DPP10: variants seen among roughly 807,000 people sequenced by gnomAD.
DPP10 encodes inactive dipeptidyl peptidase 10.
Under a neutral mutation model 120.9 loss-of-function variants are expected in DPP10, and 33 were observed. The observed-to-expected ratio is 0.27, with a 90% CI of 0.21 to 0.37. The LOEUF (loss-of-function observed/expected upper bound fraction) is 0.37, where lower values mean the gene tolerates loss of function less well. Ranked by LOEUF, DPP10 falls within the 10% of genes least tolerant of loss-of-function variation. DPP10 has a pLI of 1.00. For missense variants in DPP10, 816 were observed against 942.8 expected (o/e 0.87, Z 1.76); for synonymous variants, 337 against 326.1 (o/e 1.03, Z -0.36).
intron 1 of DPP10, among the ~76,000 whole-genome samples, chr2:114,951,417 T>A (rs1324947432): frequency 6.6e-6 from 1 of 152,216 alleles, no homozygotes; most frequent in Non-Finnish European, 1.5e-5. Context: ...GTTTCCTCTA[T>A]GCTTGGTAAA....
rs200966063 is a variant in DPP10 at position 114,924,532 on chromosome 2, A to T, written c.61-384707A>T. Among the ~76,000 whole-genome samples, 30 of 152,168 alleles carry T rather than the reference A, an allele frequency of 2.0e-4. No homozygotes were observed. The East Asian group carries it at 5.6e-3, about 28-fold the overall frequency. On this transcript the variant is annotated intron_variant, in intron 1 of 25. Transcript: ENST00000410059. Reference sequence around the variant, plus strand: ...CAGAGTGAGAATCTGTCTCAAAAAAAAAAAAGAAAGAGGAAAAAGAAGGAA... The same window carrying T: ...CAGAGTGAGAATCTGTCTCAAAAAATAAAAAGAAAGAGGAAAAAGAAGGAA...
At chr2:114,493,002 A>G (rs1682140328) in intron 1 of DPP10, among the ~76,000 whole-genome samples, 1 of 152,176 alleles carries the variant, frequency 6.6e-6, no homozygotes, top group African/African-American at 2.4e-5. Flanking sequence ...ACTATGAGAA[A>G]TAGTAGAAAG....
chr2:115,163,915 C>T (rs1267653038), intron 1 of DPP10, among the ~76,000 whole-genome samples: 1 of 152,182 alleles, frequency 6.6e-6, no homozygotes, highest in Non-Finnish European at 1.5e-5. Flanking sequence ...AACAAATCCC[C>T]TTGTCAGGAT....
At chr2:114,770,811 C>T (rs1299125585) in intron 1 of DPP10, among the ~76,000 whole-genome samples, 1 of 152,158 alleles carries the variant, frequency 6.6e-6, no homozygotes, top group African/African-American at 2.4e-5. Flanking sequence ...CTGTAGGTCC[C>T]TTCTCTACAA....
At chr2:115,435,756 A>G (rs1205562476) in intron 3 of DPP10, among the ~76,000 whole-genome samples, 1 of 151,810 alleles carries the variant, frequency 6.6e-6, no homozygotes, top group African/African-American at 2.4e-5. Context: ...CTTACACAAA[A>G]AATCTTTGCC....
intron 21 of DPP10, among the ~76,000 whole-genome samples, chr2:115,817,085 A>G (rs1448836369): frequency 2.0e-5 from 3 of 151,568 alleles, no homozygotes; most frequent in Admixed American, 6.6e-5. Flanking sequence ...CGTCTCTACT[A>G]AAACTACTAA....
intron 1 of DPP10, among the ~76,000 whole-genome samples, chr2:114,616,304 A>C (rs1476208064): frequency 6.6e-6 from 1 of 152,122 alleles, no homozygotes; most frequent in Non-Finnish European, 1.5e-5. Flanking sequence ...TGCTGTACCC[A>C]GTGGAATACG....
At chr2:115,307,550 G>C (rs141423185) in intron 1 of DPP10, among the ~76,000 whole-genome samples, 1 of 152,146 alleles carries the variant, frequency 6.6e-6, no homozygotes, top group African/African-American at 2.4e-5. Flanking sequence ...GTTGGTTACT[G>C]CCCTTTTTTT....
chr2:115,555,249 G>T (rs1194242309), intron 5 of DPP10, among the ~76,000 whole-genome samples: 1 of 151,878 alleles, frequency 6.6e-6, no homozygotes, highest in East Asian at 1.9e-4. Flanking sequence ...GTGTAGAGGA[G>T]GAAAAACTTT....
At chr2:115,164,675 A>G (rs1401802404) in intron 1 of DPP10, among the ~76,000 whole-genome samples, 1 of 152,216 alleles carries the variant, frequency 6.6e-6, no homozygotes, top group Non-Finnish European at 1.5e-5. Flanking sequence ...CTTATAGCAC[A>G]GTGGAAGACC....
chr2:114,896,969 C>G (rs985235231), intron 1 of DPP10, among the ~76,000 whole-genome samples: 2 of 152,134 alleles, frequency 1.3e-5, no homozygotes, highest in Admixed American at 6.5e-5. Context: ...TTGTCAAAAG[C>G]CTTTTCTGCA....
intron 2 of DPP10, among the ~76,000 whole-genome samples, chr2:115,315,557 G>A (rs907224393): frequency 6.6e-6 from 1 of 152,080 alleles, no homozygotes; most frequent in East Asian, 1.9e-4. Context: ...AAATGTCAAA[G>A]CAATGATTAA....
intron 2 of DPP10, among the ~76,000 whole-genome samples, chr2:115,316,547 G>GTTGAAAA (rs2061801978): frequency 6.6e-6 from 1 of 152,074 alleles, no homozygotes; most frequent in African/African-American, 2.4e-5. Flanking sequence ...GAAGTGGGAA[G>GTTGAAAA]TTGAAAATCG....
At chr2:114,897,683 C>T (rs1160207608) in intron 1 of DPP10, among the ~76,000 whole-genome samples, 42 of 151,966 alleles carry the variant, frequency 2.8e-4, no homozygotes, top group East Asian at 1.4e-3. Context: ...AAAAAGTGGG[C>T]GAAGGACATG....
chr2:115,417,722 T>C lies in DPP10; in HGVS notation c.271+73810T>C, dbSNP rs117664448. 5.3e-5 allele frequency among the ~76,000 whole-genome samples: 8 copies of C among 152,308 alleles called. No individual in the cohort carries two copies. In the East Asian group the frequency reaches 1.5e-3, roughly 29 times the overall value. On this transcript the variant is annotated intron_variant, in intron 3 of 25. Transcript: ENST00000410059. The stretch of plus-strand genomic sequence containing the variant: ...GCCTTAGTCTTAGTCTTTTCAACTG[T>C]ATGCTGCCTATGAATTTATGATACC...
intron 8 of DPP10, among the ~76,000 whole-genome samples, chr2:115,738,526 G>GA (rs748267103): frequency 2.0e-5 from 3 of 151,944 alleles, no homozygotes; most frequent in Admixed American, 6.5e-5. Context: ...TACAAGATTT[G>GA]AAAAAAGACC....
At chr2:114,814,250 T>C (rs533168344) in intron 1 of DPP10, among the ~76,000 whole-genome samples, 1 of 152,298 alleles carries the variant, frequency 6.6e-6, no homozygotes, top group South Asian at 2.1e-4. Context: ...TTTCAGAGGA[T>C]GGCAGCTAGT....
At chr2:114,540,958 T>G (rs1254739056) in intron 1 of DPP10, among the ~76,000 whole-genome samples, 4 of 152,196 alleles carry the variant, frequency 2.6e-5, no homozygotes. Flanking sequence ...GCTGCTACCC[T>G]CCACTCCCGT....
At chr2:115,815,567 G>A (rs1687133010) in intron 20 of DPP10, 108 bp from the exon 21 acceptor site, 1 of 949,802 alleles carries the variant, frequency 1.1e-6, no homozygotes. Context: ...AGTTAGTAAA[G>A]CATTTCTAGT....
Sources: allele counts gnomAD v4.1 joint callset (sites outside exome capture counted in the v4.1 genomes callset), GRCh38; gene constraint gnomAD v4.1.1; transcripts MANE v1.5; gene names NCBI Gene and HGNC (gene_info 2026-07-23, HGNC 2026-07-21).